The following NRXN1 variants were observed in gnomAD, a reference collection of about 807,000 sequenced individuals.
NRXN1 encodes neurexin-1.
A neutral mutation model predicts 150.9 loss-of-function variants in NRXN1; 39 were observed. The ratio of observed to expected loss-of-function variants is 0.26; its 90% CI spans 0.20 to 0.34. The LOEUF (loss-of-function observed/expected upper bound fraction) is 0.34. Among genes scored for constraint, NRXN1 ranks in the 10% least tolerant of loss-of-function variants. The pLI is 1.00. For synonymous variants in NRXN1, 924 were observed against 757.0 expected, an observed-to-expected ratio of 1.22 and a Z score of -3.62; for missense variants, 1,815 against 1,949.9, an observed-to-expected ratio of 0.93 and a Z score of 1.30.
chr2:49,944,003 G>A (rs572228452), intron 21 of NRXN1, among the ~76,000 whole-genome samples: 10 of 152,314 alleles, frequency 6.6e-5, no homozygotes, highest in South Asian at 4.1e-4. Context: ...ACATGAGGAC[G>A]CAGAAATGGT....
At chr2:50,362,724 A>C (rs1367498477) in intron 17 of NRXN1, among the ~76,000 whole-genome samples, 12 of 152,176 alleles carry the variant, frequency 7.9e-5, no homozygotes, top group Admixed American at 7.9e-4. Context: ...GACTTCCTTT[A>C]CCAAATTAGA....
intron 2 of NRXN1, among the ~76,000 whole-genome samples, chr2:50,932,188 G>A (rs1687851711): frequency 6.6e-6 from 1 of 152,028 alleles, no homozygotes; most frequent in Admixed American, 6.6e-5. Flanking sequence ...AGGAGTTCGA[G>A]ACTAGCCTGG....
chr2:50,903,148 T>A (rs375966714), intron 5 of NRXN1, among the ~76,000 whole-genome samples: 19 of 152,290 alleles, frequency 1.2e-4, no homozygotes, highest in South Asian at 8.3e-4. Context: ...CTATGTTTAT[T>A]TAGACAGGGC....
intron 17 of NRXN1, among the ~76,000 whole-genome samples, chr2:50,391,515 T>C (rs1031860477): frequency 3.9e-5 from 6 of 152,158 alleles, no homozygotes; most frequent in Non-Finnish European, 5.9e-5. Flanking sequence ...TCTTAAAATA[T>C]AGTTATTAGG....
chr2:50,251,020 AT>A lies in NRXN1; in HGVS notation c.3365-14051del, dbSNP rs2067007228. On this transcript the variant is annotated intron_variant, in intron 17 of 22. Coordinates refer to ENST00000401669, the MANE Select transcript of NRXN1 (RefSeq NM_001330078.2). ...ACACATTGCATATGTGTAATATTAC[AT>A]ATTGTATATGTAATAAATTTATTAC... is the stretch of plus-strand genomic sequence containing the variant. Among the ~76,000 whole-genome samples the A allele has an allele frequency of 2.4e-5, 3 of 122,652 alleles. No individual in the cohort carries two copies. In the Admixed American group the frequency reaches 2.5e-4, roughly 10 times the overall value. 80.5% of individuals were successfully genotyped at this position (122,652 alleles called of 152,430 possible).
intron 22 of NRXN1, among the ~76,000 whole-genome samples, chr2:49,942,953 C>T (rs979571490): frequency 6.6e-5 from 10 of 152,154 alleles, no homozygotes; most frequent in African/African-American, 2.4e-4. Flanking sequence ...AAAAACCAAA[C>T]CAAACCAAAA....
chr2:50,538,499 T>G lies in NRXN1; in HGVS notation c.1897A>C (p.Thr633Pro). The G allele has an allele frequency of 6.2e-7, 1 of 1,610,644 alleles. No individual in the cohort carries two copies. Among genetic ancestry groups the G allele is most frequent in the Non-Finnish European group, 8.5e-7 (1 of 1,177,308 alleles). Residue 633 changes from threonine to proline, a missense_variant, in exon 10 of 23, where the codon ACT becomes CCT. Thr to Pro is a conservative substitution (Grantham distance 38, BLOSUM62 -1). This residue lies in a region of NRXN1 where 638 missense variants were observed against 652.6 expected (regional missense o/e 0.98). Coordinates refer to ENST00000401669, the MANE Select transcript of NRXN1 (RefSeq NM_001330078.2). ...AGLVFPTEVWTALLNYGYVGC... is the reference protein window; with the variant it reads ...AGLVFPTEVWPALLNYGYVGC... ...ACGTAGCCATAGTTGAGCAGAGCAG[T>G]CCACACCTCGGTGGGGAAGACAAGG...
rs1671949725 is a variant in NRXN1, at chr2:49,941,390, C to G, written c.4216+2314G>C. ...CCATCCGCCTTTTCTCTCCTCTCCT[C>G]TACCTTCTTCCTCCACCATCTTGTT... is the stretch of plus-strand genomic sequence containing the variant. On this transcript the variant is annotated intron_variant, in intron 22 of 22. Transcript: ENST00000401669. 2.6e-5 allele frequency among the ~76,000 whole-genome samples: 4 copies of G among 151,390 alleles called. No individual in the cohort carries two copies. The South Asian group carries it at 8.4e-4, about 32-fold the overall frequency.
chr2:50,291,383 C>T (rs1441230108), intron 17 of NRXN1, among the ~76,000 whole-genome samples: 1 of 152,144 alleles, frequency 6.6e-6, no homozygotes, highest in Non-Finnish European at 1.5e-5. Context: ...TGGGCACCCA[C>T]TCTACACTAG....
intron 5 of NRXN1, chr2:50,829,669 G>C (rs1349258019): frequency 6.3e-5 from 102 of 1,611,488 alleles, no homozygotes; most frequent in Non-Finnish European, 7.3e-5. Flanking sequence ...ATCATAACAG[G>C]CTGACACAGC....
chr2:50,939,116 C>A (rs954471621), intron 2 of NRXN1, among the ~76,000 whole-genome samples: 11 of 143,670 alleles, frequency 7.7e-5, no homozygotes, highest in Admixed American at 1.5e-4. Flanking sequence ...GAGGCTGAGG[C>A]AGGAGAATGG....
intron 2 of NRXN1, among the ~76,000 whole-genome samples, chr2:51,018,195 G>A (rs1425512654): frequency 1.3e-5 from 2 of 152,084 alleles, no homozygotes; most frequent in Non-Finnish European, 2.9e-5. Context: ...ATAATTAAAT[G>A]AAGAAAGCCC....
chr2:50,122,997 G>T (rs187035955), intron 18 of NRXN1, among the ~76,000 whole-genome samples: 1 of 152,066 alleles, frequency 6.6e-6, no homozygotes, highest in Non-Finnish European at 1.5e-5. Context: ...TAGAGCGATA[G>T]ATACTAAAGT....
chr2:50,895,163 C>T (rs1681727099), intron 5 of NRXN1, among the ~76,000 whole-genome samples: 1 of 152,152 alleles, frequency 6.6e-6, no homozygotes, highest in South Asian at 2.1e-4. Context: ...TTCAGTACAT[C>T]TCAAACGCTG....
intron 2 of NRXN1, among the ~76,000 whole-genome samples, chr2:50,984,829 C>T (rs1697433424): frequency 6.6e-6 from 1 of 151,954 alleles, no homozygotes; most frequent in Admixed American, 6.6e-5. Context: ...AGAGAAACCG[C>T]TTAAAGAGTA....
rs867493685 is a variant in NRXN1, at chr2:49,922,174, C to T, written c.4294G>A (p.Gly1432Ser). 4 of 1,614,014 alleles carry T rather than the reference C, an allele frequency of 2.5e-6. No individual in the cohort carries two copies. Among genetic ancestry groups the T allele is most frequent in the Non-Finnish European group, 3.4e-6 (4 of 1,180,026 alleles). Residue 1432 changes from glycine to serine, a missense_variant, in exon 23 of 23, where the codon GGT becomes AGT. Gly to Ser is a moderately conservative substitution (Grantham distance 56). Coordinates refer to ENST00000401669, the MANE Select transcript of NRXN1 (RefSeq NM_001330078.2). ...EVIRESSSTT[G>S]MVVGIVAAAA... ...GCGGCTACTATCCCAACGACCATAC[C>T]CGTGGTGCTGCTGGACTCCCGGATC...
At chr2:51,020,901 C>G (rs1441880249) in intron 2 of NRXN1, among the ~76,000 whole-genome samples, 2 of 151,970 alleles carry the variant, frequency 1.3e-5, no homozygotes, top group African/African-American at 4.8e-5. Context: ...TACATGGAAT[C>G]CATGCTCAGG....
At chr2:50,439,300 C>T (rs2085715602) in intron 17 of NRXN1, among the ~76,000 whole-genome samples, 1 of 152,134 alleles carries the variant, frequency 6.6e-6, no homozygotes, top group Non-Finnish European at 1.5e-5. Flanking sequence ...ATAAGGTAGA[C>T]AACAGTGCAC....
chr2:50,732,367 A>G (rs920384483), intron 5 of NRXN1, among the ~76,000 whole-genome samples: 3 of 152,112 alleles, frequency 2.0e-5, no homozygotes, highest in Non-Finnish European at 4.4e-5. Context: ...CTATTAGGAT[A>G]AAAATACTTC....
Sources: allele counts gnomAD v4.1 joint callset (sites outside exome capture counted in the v4.1 genomes callset), GRCh38; gene constraint gnomAD v4.1.1; regional missense constraint gnomAD v4.1.1; transcripts MANE v1.5; gene names NCBI Gene and HGNC (gene_info 2026-07-23, HGNC 2026-07-21).